Variants in CHRM3 observed in about 807,000 individuals in gnomAD.
CHRM3 encodes the protein muscarinic acetylcholine receptor M3.
Under a neutral mutation model 41.8 loss-of-function variants are expected in CHRM3, and 11 were observed. The ratio of observed to expected loss-of-function variants is 0.26; its 90% confidence interval spans 0.17 to 0.44. CHRM3 has a LOEUF of 0.44. CHRM3 is among the 20% of genes least tolerant of loss of function. The pLI is 1.00. For missense variants in CHRM3, 571 were observed against 745.4 expected (o/e 0.77, Z 2.72); for synonymous variants, 297 against 301.4 (o/e 0.99, Z 0.15).
Position 239,696,028 on chromosome 1 carries a change from C to T in CHRM3, c.-147+17740C>T, listed in dbSNP as rs1660152081. ...TTTCATGTATGTACTGACATATTCT[C>T]TCCTATAACTGTTAATTACAATACA... On this transcript the variant is annotated intron_variant, in intron 5 of 6. Transcript: ENST00000676153. Among the ~76,000 whole-genome samples, 3 of 152,170 alleles carry T rather than the reference C, an allele frequency of 2.0e-5. No individual in the cohort carries two copies. In the South Asian group the frequency reaches 6.2e-4, roughly 32 times the overall value.
At chr1:239,388,653 T>TA (rs1352306312) in intron 1 of CHRM3, among the ~76,000 whole-genome samples, 4 of 152,190 alleles carry the variant, frequency 2.6e-5, no homozygotes, top group South Asian at 2.1e-4. Context: ...AGCACGTTAA[T>TA]AAAAAACTAA....
intron 6 of CHRM3, among the ~76,000 whole-genome samples, chr1:239,840,080 C>T (rs1673666721): frequency 2.0e-5 from 3 of 152,212 alleles, no homozygotes; most frequent in Non-Finnish European, 4.4e-5. Context: ...ATGGAACTGA[C>T]ATCTCTGTTG....
At chr1:239,500,884 C>A (rs1047638147) in intron 2 of CHRM3, among the ~76,000 whole-genome samples, 9 of 152,160 alleles carry the variant, frequency 5.9e-5, no homozygotes, top group African/African-American at 2.2e-4. Flanking sequence ...TTAGGAGATT[C>A]ACCTAACACA....
At chr1:239,583,979 G>A (rs960601711) in intron 3 of CHRM3, among the ~76,000 whole-genome samples, 7 of 152,024 alleles carry the variant, frequency 4.6e-5, no homozygotes, top group African/African-American at 1.7e-4. Context: ...GAAAATACCT[G>A]CTTTGCCCCT....
At chr1:239,693,011 T>G (rs1212174312) in intron 5 of CHRM3, among the ~76,000 whole-genome samples, 2 of 152,216 alleles carry the variant, frequency 1.3e-5, no homozygotes, top group Non-Finnish European at 2.9e-5. Context: ...ACATCTTAAG[T>G]GCATTTAGGA....
chr1:239,417,193 C>T (rs931172818), intron 1 of CHRM3, among the ~76,000 whole-genome samples: 3 of 152,124 alleles, frequency 2.0e-5, no homozygotes, highest in Admixed American at 6.5e-5. Context: ...TGTGAATATG[C>T]GTTGCTCACA....
intron 5 of CHRM3, among the ~76,000 whole-genome samples, chr1:239,753,764 A>G (rs1293711338): frequency 2.0e-5 from 3 of 152,250 alleles, no homozygotes; most frequent in Non-Finnish European, 2.9e-5. Flanking sequence ...ATCAGCAAGC[A>G]GTATATTGGG....
At chr1:239,554,527 T>C (rs1219093091) in intron 3 of CHRM3, among the ~76,000 whole-genome samples, 2 of 152,000 alleles carry the variant, frequency 1.3e-5, no homozygotes, top group South Asian at 2.1e-4. Context: ...AATATATGTA[T>C]ACAAAAAAAG....
chr1:239,692,527 C>G (rs896734350), intron 5 of CHRM3, among the ~76,000 whole-genome samples: 5 of 152,042 alleles, frequency 3.3e-5, no homozygotes, highest in Admixed American at 6.6e-5. Flanking sequence ...ATACTCAAAC[C>G]TGATTAGACT....
chr1:239,852,310 A>G (rs550419466), intron 6 of CHRM3, among the ~76,000 whole-genome samples: 28 of 152,292 alleles, frequency 1.8e-4, no homozygotes, highest in East Asian at 9.7e-4. Flanking sequence ...ACTGCCTGTA[A>G]CTACAATGTG....
chr1:239,864,519 T>TACACACACAC (rs199613762), intron 6 of CHRM3, among the ~76,000 whole-genome samples: 6 of 148,138 alleles, frequency 4.1e-5, no homozygotes, highest in South Asian at 2.1e-4. Flanking sequence ...AAACAGAAAA[T>TACACACACAC]ACACACACAC....
chr1:239,415,223 T>G (rs1446435574), intron 1 of CHRM3, among the ~76,000 whole-genome samples: 1 of 152,210 alleles, frequency 6.6e-6, no homozygotes, highest in African/African-American at 2.4e-5. Context: ...GAGGATCACC[T>G]GAGGTCAGGA....
At chr1:239,639,150 T>C (rs555575380) in intron 4 of CHRM3, among the ~76,000 whole-genome samples, 1 of 152,272 alleles carries the variant, frequency 6.6e-6, no homozygotes, top group Non-Finnish European at 1.5e-5. Context: ...AGTACCATGC[T>C]GTTTTGGTTA....
intron 6 of CHRM3, among the ~76,000 whole-genome samples, chr1:239,874,299 A>ATATCTATATACACAGTG (rs1553291944): frequency 8.6e-6 from 1 of 116,702 alleles, no homozygotes; most frequent in Non-Finnish European, 1.7e-5. Flanking sequence ...ATATATATAT[A>ATATCTATATACACAGTG]TATATATATA....
At chr1:239,588,341 T>G (rs1663645657) in intron 3 of CHRM3, among the ~76,000 whole-genome samples, 1 of 152,146 alleles carries the variant, frequency 6.6e-6, no homozygotes, top group Admixed American at 6.6e-5. Context: ...TATGGGGGTA[T>G]TTTTATTTTG....
At chr1:239,474,776 G>T (rs539326975) in intron 1 of CHRM3, among the ~76,000 whole-genome samples, 6 of 152,060 alleles carry the variant, frequency 3.9e-5, no homozygotes, top group Non-Finnish European at 8.8e-5. Flanking sequence ...TGCATACAAA[G>T]AACCTATTTA....
intron 6 of CHRM3, among the ~76,000 whole-genome samples, chr1:239,864,723 G>T (rs1448279549): frequency 1.3e-5 from 2 of 152,156 alleles, no homozygotes; most frequent in African/African-American, 4.8e-5. Flanking sequence ...TGAAGGTGCT[G>T]CAACCAACCA....
At chr1:239,610,821 A>AG (rs1287894007) in intron 3 of CHRM3, among the ~76,000 whole-genome samples, 2 of 152,126 alleles carry the variant, frequency 1.3e-5, no homozygotes, top group African/African-American at 2.4e-5. Context: ...TGGGAGGCTG[A>AG]GGGGGGCGGA....
At chr1:239,767,535 A>T (rs1667322149) in intron 5 of CHRM3, among the ~76,000 whole-genome samples, 1 of 152,204 alleles carries the variant, frequency 6.6e-6, no homozygotes, top group South Asian at 2.1e-4. Context: ...CATTAATTAT[A>T]CTAACTTCCT....
Sources: allele counts gnomAD v4.1 joint callset (sites outside exome capture counted in the v4.1 genomes callset), GRCh38; gene constraint gnomAD v4.1.1; transcripts MANE v1.5; gene names NCBI Gene and HGNC (gene_info 2026-07-23, HGNC 2026-07-21).